PBRM1: variants seen among roughly 807,000 people sequenced by gnomAD.
The protein encoded by PBRM1 is protein polybromo-1.
A neutral mutation model predicts 194.5 loss-of-function variants in PBRM1; 27 were observed. The ratio of observed to expected loss-of-function variants is 0.14; its 90% CI spans 0.10 to 0.19. The LOEUF is 0.19. Among genes scored for constraint, PBRM1 ranks in the 10% least tolerant of loss-of-function variants. PBRM1 has a pLI of 1.00. For missense variants in PBRM1, 1,466 were observed against 2,077.2 expected, an observed-to-expected ratio of 0.71 and a Z score of 5.72; for synonymous variants, 655 against 693.2, an observed-to-expected ratio of 0.94 and a Z score of 0.87.
intron 11 of PBRM1, among the ~76,000 whole-genome samples, chr3:52,633,517 G>T (rs1299193810): frequency 6.6e-6 from 1 of 151,908 alleles, no homozygotes; most frequent in African/African-American, 2.4e-5. Context: ...CATTTCTTTG[G>T]GGTACATATG....
At chr3:52,644,822 GA>G (rs2096242280) in intron 7 of PBRM1, 33 bp from the exon 9 acceptor site, 2 of 1,086,900 alleles carry the variant, frequency 1.8e-6, no homozygotes, top group Admixed American at 1.8e-5. Context: ...TTTAAAAAAG[GA>G]ACAGATAAAA....
chr3:52,684,155 C>G, upstream of PBRM1, among the ~76,000 whole-genome samples: 2 of 88,980 alleles, frequency 2.2e-5, no homozygotes, highest in Non-Finnish European at 2.0e-5. Context: ...GCAACAAAGT[C>G]AGACCTTGTC....
chr3:52,638,322 T>A (rs1281142125), intron 10 of PBRM1, among the ~76,000 whole-genome samples: 1 of 152,014 alleles, frequency 6.6e-6, no homozygotes, highest in East Asian at 1.9e-4. Context: ...CTTAAATGTT[T>A]GGCCTGGTAT....
chr3:52,651,622 T>A (rs183183180), intron 6 of PBRM1, 120 bp downstream of exon 7: 4 of 474,774 alleles, frequency 8.4e-6, no homozygotes, highest in Admixed American at 7.1e-5. Flanking sequence ...TTTATTTACA[T>A]GATTTGCTAA....
At chr3:52,613,985 T>G (rs1353774065) in intron 15 of PBRM1, among the ~76,000 whole-genome samples, 4 of 152,194 alleles carry the variant, frequency 2.6e-5, no homozygotes, top group African/African-American at 9.6e-5. Context: ...TACAATTCCA[T>G]GAAAAGACAA....
intron 11 of PBRM1, among the ~76,000 whole-genome samples, 167 bp downstream of exon 12, chr3:52,634,435 C>CAAAA (rs370025797): frequency 4.3e-5 from 2 of 46,342 alleles, no homozygotes; most frequent in African/African-American, 8.2e-5. Context: ...GACTCCGTCT[C>CAAAA]AAAAAAAAAA....
chr3:52,678,741 C>A (rs2097155400), intron 1 of PBRM1, 144 bp from the exon 3 acceptor site: 1 of 576,656 alleles, frequency 1.7e-6, no homozygotes, highest in Non-Finnish European at 3.1e-6. Flanking sequence ...ATGCTAAAGT[C>A]TGAAATATGC....
At chr3:52,655,678 T>C (rs1053895872) in intron 5 of PBRM1, among the ~76,000 whole-genome samples, 3 of 152,216 alleles carry the variant, frequency 2.0e-5, no homozygotes, top group African/African-American at 7.2e-5. Flanking sequence ...TTAAGTCATA[T>C]GACCAATATT....
At chr3:52,553,715 G>A (rs368153130) in intron 27 of PBRM1, among the ~76,000 whole-genome samples, 22 of 147,058 alleles carry the variant, frequency 1.5e-4, no homozygotes, top group East Asian at 1.2e-3. Context: ...AGGCTGGAGT[G>A]TAGTGGTGCA....
Position 52,550,291 on chromosome 3 carries a change from T to C in PBRM1, c.4897+130A>G, listed in dbSNP as rs2080611207. 1.9e-5 allele frequency: 8 copies of C among 416,776 alleles called. No homozygotes were observed. In the East Asian group the frequency reaches 2.9e-4, roughly 15 times the overall value. The allele number at this position is 416,776 out of a possible 1,614,324, so 25.8% of individuals were successfully genotyped here. A position where few individuals can be genotyped will look rare whatever the true frequency, so the allele number is the denominator to read the frequency against. On this transcript the variant is annotated intron_variant, in intron 29 of 29. Coordinates refer to ENST00000296302, the Ensembl canonical transcript of PBRM1. ...ATGCAAAGAAACTCCAAACCATTTA[T>C]GAAATATATAATTTATTTTAATTGT...
intron 21 of PBRM1, among the ~76,000 whole-genome samples, chr3:52,577,096 T>C (rs1364835851): frequency 6.6e-6 from 1 of 152,174 alleles, no homozygotes; most frequent in Non-Finnish European, 1.5e-5. Flanking sequence ...TGGCAGACAT[T>C]CCTTTAAGAC....
intron 10 of PBRM1, among the ~76,000 whole-genome samples, chr3:52,635,447 T>C (rs956678690): frequency 1.3e-5 from 2 of 151,844 alleles, no homozygotes; most frequent in Non-Finnish European, 2.9e-5. Flanking sequence ...GCACCTGTAA[T>C]CCCAGCTACT....
intron 20 of PBRM1, among the ~76,000 whole-genome samples, chr3:52,582,326 A>AC (rs2091443688): frequency 6.6e-6 from 1 of 151,944 alleles, no homozygotes; most frequent in South Asian, 2.1e-4. Flanking sequence ...AGACCAAGTA[A>AC]CTCATATACA....
At chr3:52,596,645 G>T (rs369674556) in intron 17 of PBRM1, among the ~76,000 whole-genome samples, 1 of 151,918 alleles carries the variant, frequency 6.6e-6, no homozygotes, top group South Asian at 2.1e-4. Flanking sequence ...CTGCATGGGA[G>T]CTAGGGCCTG....
intron 22 of PBRM1, 81 bp from the exon 25 acceptor site, chr3:52,564,314 G>T: frequency 1.0e-6 from 1 of 991,034 alleles, no homozygotes; most frequent in South Asian, 1.4e-5. Flanking sequence ...TATTATTTTT[G>T]GATGAATACA....
At chr3:52,659,672 C>G (rs534279591) in intron 4 of PBRM1, among the ~76,000 whole-genome samples, 5 of 152,244 alleles carry the variant, frequency 3.3e-5, no homozygotes, top group Non-Finnish European at 7.3e-5. Context: ...ATCCTCCAGT[C>G]TCAGCTTCCT....
intron 27 of PBRM1, among the ~76,000 whole-genome samples, chr3:52,552,302 T>C (rs577228147): frequency 1.3e-5 from 2 of 152,256 alleles, no homozygotes; most frequent in East Asian, 3.9e-4. Context: ...GCTTCCTCTA[T>C]TGACAAATGC....
intron 2 of PBRM1, among the ~76,000 whole-genome samples, chr3:52,674,413 G>A (rs34610142): frequency 0.34 from 49,738 of 148,104 alleles, 9,398 homozygotes; most frequent in Admixed American, 0.46. Context: ...CCTGGGAAAC[G>A]GAGGTTGTGG....
intron 6 of PBRM1, among the ~76,000 whole-genome samples, chr3:52,650,381 A>C (rs907418965): frequency 5.3e-5 from 7 of 132,216 alleles, no homozygotes; most frequent in South Asian, 2.3e-4. Flanking sequence ...AAAAAAAAAA[A>C]CCCTAAAAAA....
Sources: allele counts gnomAD v4.1 joint callset (sites outside exome capture counted in the v4.1 genomes callset), GRCh38; gene constraint gnomAD v4.1.1; transcripts MANE v1.5; gene names NCBI Gene and HGNC (gene_info 2026-07-23, HGNC 2026-07-21).